ALPK1: variants seen among roughly 807,000 people sequenced by gnomAD.
ALPK1 encodes alpha-protein kinase 1.
A neutral mutation model predicts 120.6 loss-of-function variants in ALPK1; 110 were observed. That is an observed-to-expected ratio of 0.91 (90% CI 0.78 to 1.07). The LOEUF (loss-of-function observed/expected upper bound fraction) is 1.07, where lower values mean the gene tolerates loss of function less well. Among genes scored for constraint, ALPK1 ranks in the 50% least tolerant of loss-of-function variants. ALPK1 has a pLI of 0.00. For missense variants in ALPK1, 1,498 were observed against 1,483.9 expected, an observed-to-expected ratio of 1.01 and a Z score of -0.16; for synonymous variants, 582 against 560.3, an observed-to-expected ratio of 1.04 and a Z score of -0.55.
At chr4:112,351,694 G>A (rs770749755) in intron 2 of ALPK1, among the ~76,000 whole-genome samples, 20 of 152,108 alleles carry the variant, frequency 1.3e-4, no homozygotes, top group Middle Eastern at 3.4e-3. Flanking sequence ...GGCTGGTCTC[G>A]AACTTCTGAC....
chr4:112,412,007 C>G lies in ALPK1; in HGVS notation c.457C>G (p.Arg153Gly). ...CCCGCAGGTGGTTATTCGCCAAGCC[C>G]GAATCTCCGTGAACTCAGGTATGCT... is the stretch of plus-strand genomic sequence containing the variant. ...IAPQVVIRQA[R>G]ISVNSGKLLK... Residue 153 changes from arginine (R) to glycine (G), a missense_variant, in exon 5 of 16, where the codon CGA becomes GGA. Physicochemically the swap from Arg to Gly is moderately radical, Grantham distance 125 (BLOSUM62 -2). Transcript: ENST00000650871. The G allele has an allele frequency of 6.2e-7, 1 of 1,614,060 alleles. No individual in the cohort carries two copies. Among genetic ancestry groups the G allele is most frequent in the South Asian group, 1.1e-5 (1 of 91,086 alleles).
chr4:112,419,801 G>A (rs1260215647), intron 5 of ALPK1, among the ~76,000 whole-genome samples: 1 of 152,196 alleles, frequency 6.6e-6, no homozygotes, highest in African/African-American at 2.4e-5. Flanking sequence ...GACTTTCATG[G>A]CAGGCTGCCT....
chr4:112,396,883 T>C (rs1197092294), intron 4 of ALPK1, among the ~76,000 whole-genome samples: 1 of 151,856 alleles, frequency 6.6e-6, no homozygotes, highest in Non-Finnish European at 1.5e-5. Context: ...GTTCAAGCAA[T>C]TCTTGTACCT....
intron 11 of ALPK1, among the ~76,000 whole-genome samples, chr4:112,433,278 T>C (rs1456543511): frequency 6.6e-6 from 1 of 152,198 alleles, no homozygotes; most frequent in East Asian, 1.9e-4. Context: ...AGGATGAAGG[T>C]ACTGCTTTCT....
chr4:112,340,345 C>T (rs1729803941), intron 2 of ALPK1, among the ~76,000 whole-genome samples: 1 of 152,020 alleles, frequency 6.6e-6, no homozygotes, highest in African/African-American at 2.4e-5. Context: ...CGGTGGGAAA[C>T]CAAACTTTAT....
At chr4:112,356,159 G>A in intron 2 of ALPK1, 1 of 1,606,802 alleles carries the variant, frequency 6.2e-7, no homozygotes, top group East Asian at 2.2e-5. Context: ...CCTGAATGGT[G>A]TGACCGTAGA....
Position 112,361,595 on chromosome 4 carries a change from G to A in ALPK1, c.-100-16083G>A, listed in dbSNP as rs544856082. Among the ~76,000 whole-genome samples, 275 of 152,268 alleles carry A rather than the reference G, an allele frequency of 1.8e-3. 8 individuals carry two copies. The highest frequency in any genetic ancestry group is 0.017 in the Admixed American group (267 of 15,296). ...CCAAGGAGAGTCTGAGCTTAGACAC[G>A]CCTAACCCTGCCCCCATCTGATGAC... On this transcript the variant is annotated intron_variant, in intron 2 of 15. Coordinates refer to ENST00000650871, the MANE Select transcript of ALPK1 (RefSeq NM_025144.4).
At chr4:112,356,553 G>A (rs1004240263) in intron 2 of ALPK1, 2 of 819,384 alleles carry the variant, frequency 2.4e-6, no homozygotes, top group African/African-American at 3.4e-5. Context: ...GGGCTCCCGG[G>A]AGCAGCTGTG....
chr4:112,430,540 C>G lies in ALPK1; in HGVS notation c.993C>G (p.Ala331=), dbSNP rs190768855. The part of the protein sequence containing the change: ...KNLHLCEAKE[A]FEIGLLTKRD... Reference sequence around the variant, plus strand: ...TACATCTGTGTGAAGCCAAAGAGGCCTTTGAGATTGGCCTCCTCACCAAGA... The same window carrying G: ...TACATCTGTGTGAAGCCAAAGAGGCGTTTGAGATTGGCCTCCTCACCAAGA... Residue 331 remains alanine, a synonymous_variant, in exon 11 of 16, where the codon GCC becomes GCG. Coordinates refer to ENST00000650871, the MANE Select transcript of ALPK1 (RefSeq NM_025144.4). 1.9e-6 allele frequency: 3 copies of G among 1,614,148 alleles called. No individual in the cohort carries two copies. Among genetic ancestry groups the G allele is most frequent in the Non-Finnish European group, 1.7e-6 (2 of 1,180,034 alleles).
chr4:112,344,934 A>G lies in ALPK1; in HGVS notation c.-101+29082A>G, dbSNP rs528215327. ...TTAGTTAATTTGGTTCAAAACCTCT[A>G]AGCATTCAACTCACCAGACTACTTT... On this transcript the variant is annotated intron_variant, in intron 2 of 15. Transcript: ENST00000650871. Among the ~76,000 whole-genome samples the G allele has an allele frequency of 5.3e-5, 8 of 152,356 alleles. No homozygotes were observed. The South Asian group carries it at 1.7e-3, about 32-fold the overall frequency.
chr4:112,389,795 C>A (rs1433625485), intron 4 of ALPK1, among the ~76,000 whole-genome samples: 1 of 152,190 alleles, frequency 6.6e-6, no homozygotes, highest in Non-Finnish European at 1.5e-5. Flanking sequence ...TCCCTGCTCT[C>A]AAATAAGGTC....
At position 112,432,465 on chromosome 4, in the gene ALPK1, G is replaced by A. The variant is rs202085322; in HGVS notation, c.2918G>A (p.Arg973His). The A allele has an allele frequency of 2.8e-5, 46 of 1,614,132 alleles. No individual in the cohort carries two copies. The highest frequency in any genetic ancestry group is 8.3e-5 in the Admixed American group (5 of 60,008). The stretch of plus-strand genomic sequence containing the variant: ...ATGAGGAAAGAGATCCTTGAGGCTC[G>A]CACCTTGCAACCTGATGACTTTGAA... ...GKMRKEILEA[R>H]TLQPDDFEKL... The change falls in exon 11 of 16, where the codon CGC (arginine) becomes CAC (histidine). Residue 973 changes from arginine (R) to histidine (H), a missense_variant. Coordinates refer to ENST00000650871, the MANE Select transcript of ALPK1 (RefSeq NM_025144.4).
intron 4 of ALPK1, among the ~76,000 whole-genome samples, chr4:112,387,001 C>T (rs955450625): frequency 6.6e-6 from 1 of 152,160 alleles, no homozygotes; most frequent in African/African-American, 2.4e-5. Flanking sequence ...TGAAAGAGAA[C>T]AGTAAGGCCC....
intron 2 of ALPK1, among the ~76,000 whole-genome samples, chr4:112,366,794 G>A (rs1026425370): frequency 1.3e-5 from 2 of 152,194 alleles, no homozygotes; most frequent in African/African-American, 4.8e-5. Flanking sequence ...TATGGAAACA[G>A]TCCAAATGCC....
At chr4:112,354,930 CA>C (rs1730534840) in intron 2 of ALPK1, among the ~76,000 whole-genome samples, 1 of 152,096 alleles carries the variant, frequency 6.6e-6, no homozygotes, top group African/African-American at 2.4e-5. Context: ...ATTTTAAAAT[CA>C]CCTTTTTAGG....
At chr4:112,384,912 A>G (rs536132247) in intron 4 of ALPK1, 6 of 152,332 alleles carry the variant, frequency 3.9e-5, no homozygotes, top group Admixed American at 2.0e-4. Context: ...GCTGATGGTC[A>G]CTTTACTTGC....
chr4:112,414,324 A>T, intron 5 of ALPK1: 1 of 487,730 alleles, frequency 2.1e-6, no homozygotes, highest in South Asian at 1.5e-5. Flanking sequence ...AAGACCCACA[A>T]GGCCAGGCAC....
rs1182469097 is a variant in ALPK1 at position 112,431,327 on chromosome 4, A to G, written c.1780A>G (p.Ser594Gly). The G allele has an allele frequency of 6.2e-7, 1 of 1,614,220 alleles. No homozygotes were observed. Among genetic ancestry groups the G allele is most frequent in the East Asian group, 2.2e-5 (1 of 44,876 alleles). The change falls in exon 11 of 16, where the codon AGC becomes GGC. Residue 594 changes from serine to glycine, a missense_variant. Transcript: ENST00000650871. ...CTTATCAGGGTTTAGTTCCTCTGCA[A>G]GCTGGGAGGAAGTGAATTATCACGT... ...SNLSGFSSSASWEEVNYHVDD... is the reference protein window; with the variant it reads ...SNLSGFSSSAGWEEVNYHVDD...
intron 2 of ALPK1, chr4:112,356,049 C>G: frequency 3.8e-6 from 3 of 781,538 alleles, no homozygotes; most frequent in Non-Finnish European, 6.9e-6. Context: ...GGCTGAGAGC[C>G]TGAGATGTTT....
Sources: allele counts gnomAD v4.1 joint callset (sites outside exome capture counted in the v4.1 genomes callset), GRCh38; gene constraint gnomAD v4.1.1; transcripts MANE v1.5; gene names NCBI Gene and HGNC (gene_info 2026-07-23, HGNC 2026-07-21).